The following CASK variants were observed in gnomAD, a reference collection of about 807,000 sequenced individuals.
CASK encodes the protein peripheral plasma membrane protein CASK.
A neutral mutation model predicts 82.9 loss-of-function variants in CASK; 4 were observed. That is an observed-to-expected ratio of 0.05 (90% CI 0.02 to 0.11). The LOEUF (loss-of-function observed/expected upper bound fraction) is 0.11. CASK is among the 10% of genes least tolerant of loss of function. CASK has a pLI of 1.00. For synonymous variants in CASK, 259 were observed against 253.5 expected (o/e 1.02, Z -0.20); for missense variants, 358 against 720.9 (o/e 0.50, Z 5.76).
chrX:41,653,124 ATTG>A (rs779540430), intron 8 of CASK, among the ~76,000 whole-genome samples: 6 of 112,543 alleles, frequency 5.3e-5, no homozygotes, highest in Admixed American at 9.4e-5. Context: ...TTGTGTGTTG[ATTG>A]TTGTTGTTGT....
intron 2 of CASK, among the ~76,000 whole-genome samples, chrX:41,829,907 G>C (rs1369131997): frequency 9.7e-6 from 1 of 102,629 alleles, no homozygotes; most frequent in African/African-American, 3.5e-5. Context: ...TAGGAATGCA[G>C]TGGTATCTGG....
At chrX:41,849,087 G>A (rs2071211866) in intron 2 of CASK, among the ~76,000 whole-genome samples, 1 of 111,112 alleles carries the variant, frequency 9.0e-6, no homozygotes, top group African/African-American at 3.3e-5. Flanking sequence ...TTTAGAATGA[G>A]ACATTCTTGA....
intron 15 of CASK, among the ~76,000 whole-genome samples, chrX:41,577,512 T>C (rs989597898): frequency 8.9e-6 from 1 of 111,842 alleles, no homozygotes. Context: ...TTTAAGATAA[T>C]GAACATAATC....
intron 16 of CASK, among the ~76,000 whole-genome samples, chrX:41,567,620 A>G (rs1320196118): frequency 8.9e-5 from 10 of 111,840 alleles, no homozygotes; most frequent in Admixed American, 5.7e-4. Context: ...GAGAAATAGG[A>G]ACACTTTTAC....
chrX:41,730,292 C>T (rs182223486), intron 5 of CASK, among the ~76,000 whole-genome samples: 2 of 111,538 alleles, frequency 1.8e-5, no homozygotes, highest in Non-Finnish European at 3.8e-5. Flanking sequence ...AAGCAATTCA[C>T]AGTACATTGC....
intron 12 of CASK, among the ~76,000 whole-genome samples, chrX:41,609,432 C>A (rs976978877): frequency 8.1e-5 from 9 of 110,800 alleles, no homozygotes; most frequent in African/African-American, 3.0e-4. Context: ...GTATTTCAAT[C>A]ATGAATTTTT....
chrX:41,622,877 T>C (rs1423572985), intron 10 of CASK, among the ~76,000 whole-genome samples: 1 of 109,423 alleles, frequency 9.1e-6, no homozygotes, highest in African/African-American at 3.3e-5. Flanking sequence ...TATTTCAACA[T>C]TGATTTTTTT....
At chrX:41,587,019 A>G in intron 13 of CASK, 32 bp from the exon 14 acceptor site, 1 of 793,926 alleles carries the variant, frequency 1.3e-6, no homozygotes, top group Non-Finnish European at 1.9e-6. Flanking sequence ...CAATAATACA[A>G]ACATGACACA....
chrX:41,558,273 A>G (rs2065183670), intron 18 of CASK: 1 of 109,660 alleles, frequency 9.1e-6, no homozygotes, highest in Non-Finnish European at 1.9e-5. Context: ...TGGAGCTAGG[A>G]GAGAAGTATC....
intron 5 of CASK, chrX:41,728,057 A>G: frequency 2.1e-6 from 2 of 954,111 alleles, no homozygotes; most frequent in Non-Finnish European, 2.8e-6. Context: ...GGAAAACCCC[A>G]CAATATTAAG....
chrX:41,735,500 C>T (rs954267781), intron 5 of CASK, among the ~76,000 whole-genome samples: 2 of 110,994 alleles, frequency 1.8e-5, no homozygotes, highest in African/African-American at 6.5e-5. Flanking sequence ...GTTTTGCCTA[C>T]GTTACCAAAG....
At chrX:41,558,906 TAA>T (rs1314504981) in intron 18 of CASK, 1 of 111,994 alleles carries the variant, frequency 8.9e-6, no homozygotes, top group African/African-American at 3.2e-5. Flanking sequence ...ACAAATCCAA[TAA>T]GTTACCTGTC....
chrX:41,549,968 TG>T (rs1241043387), intron 21 of CASK, among the ~76,000 whole-genome samples: 1 of 109,847 alleles, frequency 9.1e-6, no homozygotes, highest in Admixed American at 9.7e-5. Context: ...GAGACCAGCC[TG>T]GCCAACCTGG....
chrX:41,564,360 T>C (rs1345379752), intron 16 of CASK, among the ~76,000 whole-genome samples: 1 of 112,029 alleles, frequency 8.9e-6, no homozygotes, highest in African/African-American at 3.2e-5. Flanking sequence ...GGTTCCTTTT[T>C]AAAAAAACAT....
intron 11 of CASK, among the ~76,000 whole-genome samples, chrX:41,620,199 A>C (rs1038847887): frequency 8.9e-6 from 1 of 112,485 alleles, no homozygotes; most frequent in African/African-American, 3.2e-5. Flanking sequence ...TCCTGTTTTT[A>C]AAAGGGAATA....
At chrX:41,859,090 C>T (rs2071425926) in intron 1 of CASK, among the ~76,000 whole-genome samples, 1 of 111,587 alleles carries the variant, frequency 9.0e-6, no homozygotes, top group South Asian at 3.8e-4. Context: ...TAAACAAAAA[C>T]ACATCATGTC....
chrX:41,733,916 C>T (rs983360523), intron 5 of CASK, among the ~76,000 whole-genome samples: 5 of 111,254 alleles, frequency 4.5e-5, no homozygotes, highest in Non-Finnish European at 9.4e-5. Flanking sequence ...TTTAAGAAAT[C>T]CACAATGTCA....
intron 21 of CASK, among the ~76,000 whole-genome samples, chrX:41,545,757 C>A (rs1178411388): frequency 1.8e-5 from 2 of 111,250 alleles, no homozygotes; most frequent in Non-Finnish European, 3.8e-5. Flanking sequence ...ATTGAGTCTT[C>A]CAGTCCTTAA....
intron 16 of CASK, among the ~76,000 whole-genome samples, chrX:41,563,592 A>G (rs917100057): frequency 9.0e-6 from 1 of 110,539 alleles, no homozygotes; most frequent in African/African-American, 3.3e-5. Context: ...CAAATAAACA[A>G]TATTAGAAAT....
Sources: gnomAD v4.1 joint callset for allele counts (sites outside exome capture counted in the v4.1 genomes callset) on GRCh38, gnomAD v4.1.1 for gene constraint, MANE v1.5 for transcripts, NCBI Gene and HGNC (gene_info 2026-07-23, HGNC 2026-07-21) for gene names.